AUTS2: variants seen among roughly 807,000 people sequenced by gnomAD.
AUTS2 encodes the protein activator of transcription and developmental regulator AUTS2.
Under a neutral mutation model 112.4 loss-of-function variants are expected in AUTS2, and 17 were observed. That is an observed-to-expected ratio of 0.15 (90% CI 0.10 to 0.23). AUTS2 has a LOEUF of 0.23. Ranked by LOEUF, AUTS2 falls within the 10% of genes least tolerant of loss-of-function variation. The pLI is 1.00. For synonymous variants in AUTS2, 751 were observed against 702.7 expected (o/e 1.07, Z -1.09); for missense variants, 1,510 against 1,701.6 (o/e 0.89, Z 1.98).
At chr7:69,633,333 C>T (rs188379553) in intron 1 of AUTS2, among the ~76,000 whole-genome samples, 1 of 152,024 alleles carries the variant, frequency 6.6e-6, no homozygotes, top group Non-Finnish European at 1.5e-5. Context: ...ACACACCCCC[C>T]ACAGTTTATC....
At chr7:69,895,413 AATAAAG>A (rs890051398) in intron 1 of AUTS2, among the ~76,000 whole-genome samples, 35 of 152,332 alleles carry the variant, frequency 2.3e-4, no homozygotes, top group African/African-American at 7.2e-4. Context: ...CTTTGAAAAA[AATAAAG>A]ATAATCTCTA....
At chr7:69,702,672 C>G (rs1285406929) in intron 1 of AUTS2, among the ~76,000 whole-genome samples, 4 of 151,762 alleles carry the variant, frequency 2.6e-5, no homozygotes, top group Admixed American at 2.6e-4. Flanking sequence ...TCAGCACCAC[C>G]TGGGATCTTG....
intron 4 of AUTS2, among the ~76,000 whole-genome samples, chr7:70,220,609 CTAAG>C (rs1011211186): frequency 6.6e-6 from 1 of 152,104 alleles, no homozygotes; most frequent in African/African-American, 2.4e-5. Context: ...AGGTGATCTG[CTAAG>C]TAAGACATGA....
intron 4 of AUTS2, among the ~76,000 whole-genome samples, chr7:70,365,776 T>A (rs985258361): frequency 6.6e-6 from 1 of 152,276 alleles, no homozygotes; most frequent in African/African-American, 2.4e-5. Context: ...AAGAAAACTT[T>A]GTTCTTCTAA....
intron 5 of AUTS2, among the ~76,000 whole-genome samples, chr7:70,622,021 A>AT (rs899432974): frequency 4.0e-5 from 6 of 151,250 alleles, no homozygotes; most frequent in Admixed American, 2.0e-4. Context: ...TAATTGGTGT[A>AT]TTTTTTAGTA....
At chr7:70,255,620 G>A (rs956488830) in intron 4 of AUTS2, among the ~76,000 whole-genome samples, 11 of 151,988 alleles carry the variant, frequency 7.2e-5, no homozygotes, top group African/African-American at 2.7e-4. Context: ...TCCAGAGACG[G>A]TTTCATAGTA....
In AUTS2 at chr7:69,754,427, T is replaced by G. The variant is rs371430955; in HGVS notation, c.310-144859T>G. Reference sequence around the variant, plus strand: ...AGATACAGGGATTTGTATGTGAGGCTTTTGACTTTAACTCTGTTGGAATAG... The same window carrying G: ...AGATACAGGGATTTGTATGTGAGGCGTTTGACTTTAACTCTGTTGGAATAG... On this transcript the variant is annotated intron_variant, in intron 1 of 18. Transcript: ENST00000342771. Among the ~76,000 whole-genome samples, 55 of 152,306 alleles carry G rather than the reference T, an allele frequency of 3.6e-4. 1 individual carries two copies. The South Asian group carries it at 0.011, about 31-fold the overall frequency.
rs572731777 is a variant in AUTS2, at chr7:70,753,984, G to A, written c.743-8886G>A. Among the ~76,000 whole-genome samples the A allele has an allele frequency of 2.6e-5, 4 of 151,188 alleles. No individual in the cohort carries two copies. The South Asian group carries it at 6.3e-4, about 24-fold the overall frequency. Reference sequence around the variant, plus strand: ...ATCCTGGCTAACACGGTGAAACCCCGTCTCTATTAAAAATACAAAAAAAAA... The same window carrying A: ...ATCCTGGCTAACACGGTGAAACCCCATCTCTATTAAAAATACAAAAAAAAA... On this transcript the variant is annotated intron_variant, in intron 6 of 18. Coordinates refer to ENST00000342771, the MANE Select transcript of AUTS2 (RefSeq NM_015570.4).
At chr7:70,579,273 GGAA>G (rs1183319507) in intron 5 of AUTS2, among the ~76,000 whole-genome samples, 1 of 52,560 alleles carries the variant, frequency 1.9e-5, no homozygotes, top group Admixed American at 2.0e-4. Flanking sequence ...GATGAAGGGA[GGAA>G]CATTTTAGAA....
At chr7:70,454,944 C>T (rs1050933281) in intron 5 of AUTS2, among the ~76,000 whole-genome samples, 1 of 152,218 alleles carries the variant, frequency 6.6e-6, no homozygotes, top group Non-Finnish European at 1.5e-5. Context: ...CCTGTTGTCA[C>T]TGGACAGTAG....
intron 5 of AUTS2, among the ~76,000 whole-genome samples, chr7:70,668,128 T>A (rs1343007057): frequency 6.6e-6 from 1 of 152,224 alleles, no homozygotes; most frequent in African/African-American, 2.4e-5. Flanking sequence ...TTTAGGTGTG[T>A]GCCACCACGC....
chr7:69,774,606 AG>A (rs765274598), intron 1 of AUTS2, among the ~76,000 whole-genome samples: 12 of 152,264 alleles, frequency 7.9e-5, no homozygotes, highest in Non-Finnish European at 1.5e-4. Context: ...CAACAAAAAT[AG>A]GAAATCTCAG....
chr7:69,954,686 G>A (rs982567900), intron 2 of AUTS2, among the ~76,000 whole-genome samples: 8 of 152,198 alleles, frequency 5.3e-5, no homozygotes, highest in African/African-American at 1.7e-4. Flanking sequence ...TTTGTACATG[G>A]GAAAAGAGAA....
intron 2 of AUTS2, among the ~76,000 whole-genome samples, chr7:69,964,628 C>T (rs1797563058): frequency 6.6e-6 from 1 of 151,774 alleles, no homozygotes; most frequent in South Asian, 2.1e-4. Context: ...TACTTGATTA[C>T]CCAGATTCTA....
chr7:70,632,473 T>A (rs1249417478), intron 5 of AUTS2, among the ~76,000 whole-genome samples: 2 of 151,844 alleles, frequency 1.3e-5, no homozygotes, highest in African/African-American at 4.8e-5. Context: ...CTCTCTGACC[T>A]CTTCAGCCCC....
At chr7:69,884,101 T>G (rs1584390436) in intron 1 of AUTS2, among the ~76,000 whole-genome samples, 1 of 152,264 alleles carries the variant, frequency 6.6e-6, no homozygotes, top group Middle Eastern at 3.4e-3. Context: ...AAGGAAATTG[T>G]TTAAAGTGTG....
At chr7:70,754,629 C>CT (rs1316915006) in intron 6 of AUTS2, among the ~76,000 whole-genome samples, 1 of 152,164 alleles carries the variant, frequency 6.6e-6, no homozygotes, top group Non-Finnish European at 1.5e-5. Flanking sequence ...ACTTTAAAGT[C>CT]TGGGTTAATT....
chr7:69,658,210 GC>G (rs1224602585), intron 1 of AUTS2, among the ~76,000 whole-genome samples: 7 of 152,254 alleles, frequency 4.6e-5, no homozygotes, highest in African/African-American at 1.7e-4. Context: ...AAACCATATG[GC>G]CTGAATAGCC....
intron 5 of AUTS2, among the ~76,000 whole-genome samples, chr7:70,526,624 C>T (rs371216427): frequency 1.3e-5 from 2 of 152,144 alleles, no homozygotes; most frequent in Non-Finnish European, 2.9e-5. Flanking sequence ...GAGCCGAGAT[C>T]GTGCCACTGC....
Sources: gnomAD v4.1 joint callset for allele counts (sites outside exome capture counted in the v4.1 genomes callset) on GRCh38, gnomAD v4.1.1 for gene constraint, MANE v1.5 for transcripts, NCBI Gene and HGNC (gene_info 2026-07-23, HGNC 2026-07-21) for gene names.